Variants in SLC30A6 observed in about 807,000 individuals in gnomAD.
SLC30A6 encodes the protein solute carrier family 30 member 6.
A neutral mutation model predicts 63.0 loss-of-function variants in SLC30A6; 55 were observed. The ratio of observed to expected loss-of-function variants is 0.87; its 90% CI spans 0.70 to 1.09. The LOEUF (loss-of-function observed/expected upper bound fraction) is 1.09. SLC30A6 is among the 50% of genes least tolerant of loss of function. The pLI is 0.00. For missense variants in SLC30A6, 587 were observed against 549.2 expected, an observed-to-expected ratio of 1.07 and a Z score of -0.69; for synonymous variants, 224 against 186.1, an observed-to-expected ratio of 1.20 and a Z score of -1.66.
rs538813525 is a variant in SLC30A6 at position 32,224,213 on chromosome 2, A to G, written c.*3500A>G. Reference sequence around the variant, plus strand: ...GAATCTCTTACATGCCAGGCACTATACTAAGTTAATATGCATTCAGTATAC... The same window carrying G: ...GAATCTCTTACATGCCAGGCACTATGCTAAGTTAATATGCATTCAGTATAC... On this transcript the variant is annotated 3_prime_UTR_variant, in exon 14 of 14. Coordinates refer to ENST00000282587, the MANE Select transcript of SLC30A6 (RefSeq NM_017964.5). The G allele has an allele frequency of 8.8e-5, 30 of 342,708 alleles. 2 individuals carry two copies. The South Asian group carries it at 2.0e-3, about 22-fold the overall frequency. 21.2% of individuals were successfully genotyped at this position (342,708 alleles called of 1,614,324 possible). A position where few individuals can be genotyped will look rare whatever the true frequency, so the allele number is the denominator to read the frequency against.
intron 4 of SLC30A6, among the ~76,000 whole-genome samples, chr2:32,178,774 C>A (rs1682023621): frequency 6.6e-6 from 1 of 152,184 alleles, no homozygotes; most frequent in African/African-American, 2.4e-5. Context: ...TATGTCTGTC[C>A]TTTATGCCAG....
chr2:32,168,136 T>C lies in SLC30A6; in HGVS notation c.3+2233T>C, dbSNP rs191884638. 2.2e-3 allele frequency among the ~76,000 whole-genome samples: 342 copies of C among 152,272 alleles called. 1 individual carries two copies. Among genetic ancestry groups the C allele is most frequent in the African/African-American group, 7.7e-3 (319 of 41,538 alleles). On this transcript the variant is annotated intron_variant, in intron 1 of 13. Transcript: ENST00000282587. The stretch of plus-strand genomic sequence containing the variant: ...GGGAAACAGTATTTAAGGTTTATTT[T>C]AAAGGATATTGAGAAAAGGTTTTGC...
intron 13 of SLC30A6, among the ~76,000 whole-genome samples, chr2:32,213,063 G>A (rs565380427): frequency 9.2e-5 from 14 of 151,882 alleles, no homozygotes; most frequent in African/African-American, 3.4e-4. Flanking sequence ...ACGCCACCAT[G>A]CCCAGCTGAT....
chr2:32,196,889 C>T (rs1315395498), intron 8 of SLC30A6, among the ~76,000 whole-genome samples: 3 of 151,980 alleles, frequency 2.0e-5, no homozygotes, highest in Non-Finnish European at 4.4e-5. Flanking sequence ...GGTGAAACCC[C>T]GTCTCTACTA....
intron 5 of SLC30A6, among the ~76,000 whole-genome samples, chr2:32,191,955 C>T (rs1226067122): frequency 6.6e-6 from 1 of 151,486 alleles, no homozygotes; most frequent in Admixed American, 6.6e-5. Flanking sequence ...GTGTCTAACG[C>T]ACAGTGGGTC....
intron 13 of SLC30A6, among the ~76,000 whole-genome samples, chr2:32,212,583 C>CTTTTTTTTTTT (rs1193348947): frequency 3.6e-5 from 3 of 83,024 alleles, no homozygotes; most frequent in Non-Finnish European, 4.8e-5. Flanking sequence ...CCATTTTTAC[C>CTTTTTTTTTTT]TTTTTTTTTT....
intron 7 of SLC30A6, 86 bp downstream of exon 7, chr2:32,193,039 T>A: frequency 1.2e-6 from 1 of 856,092 alleles, no homozygotes; most frequent in Non-Finnish European, 1.8e-6. Flanking sequence ...AATGTCAGAT[T>A]TCAGACTGTG....
At chr2:32,220,013 A>AT (rs1270453597) in intron 13 of SLC30A6, among the ~76,000 whole-genome samples, 200 bp from the exon 14 acceptor site, 2 of 151,836 alleles carry the variant, frequency 1.3e-5, no homozygotes, top group Non-Finnish European at 2.9e-5. Context: ...CTTTTTTTGT[A>AT]TTTTAAAGAT....
At chr2:32,185,056 A>G (rs1682687837) in intron 5 of SLC30A6, among the ~76,000 whole-genome samples, 1 of 152,182 alleles carries the variant, frequency 6.6e-6, no homozygotes, top group African/African-American at 2.4e-5. Context: ...AGATCAACAA[A>G]TAATTTGAGA....
At chr2:32,177,907 G>C (rs1301617403) in intron 4 of SLC30A6, among the ~76,000 whole-genome samples, 1 of 151,606 alleles carries the variant, frequency 6.6e-6, no homozygotes, top group Non-Finnish European at 1.5e-5. Context: ...AAGATTATGG[G>C]CGTGAGCCAC....
chr2:32,182,291 T>C (rs1682398694), intron 4 of SLC30A6, among the ~76,000 whole-genome samples: 1 of 152,198 alleles, frequency 6.6e-6, no homozygotes, highest in Non-Finnish European at 1.5e-5. Context: ...TCCGATGCAA[T>C]TTCAAAAATC....
In SLC30A6 at chr2:32,209,546, A is replaced by C. The variant is rs1685072756; in HGVS notation, c.870A>C (p.Leu290=). The C allele has an allele frequency of 6.2e-7, 1 of 1,612,558 alleles. No homozygotes were observed. The highest frequency in any genetic ancestry group is 8.5e-7 in the Non-Finnish European group (1 of 1,179,538). The change falls in exon 13 of 14, where the codon CTA becomes CTC. Residue 290 remains leucine, a synonymous_variant. Transcript: ENST00000282587. ...TCCGAAATGAACATTTTTGGACCCT[A>C]GGTTTTGGCTCATTGGTATGTTCTT... The part of the protein sequence containing the change: ...LEVRNEHFWT[L]GFGSLAGSVH...
chr2:32,192,037 C>CTT (rs34973387), intron 5 of SLC30A6, among the ~76,000 whole-genome samples: 2 of 135,248 alleles, frequency 1.5e-5, no homozygotes, highest in Admixed American at 7.5e-5. Flanking sequence ...TGGTAATTGT[C>CTT]TTTTTTTTTT....
chr2:32,192,085 C>G (rs1407381631), intron 5 of SLC30A6, among the ~76,000 whole-genome samples: 1 of 150,732 alleles, frequency 6.6e-6, no homozygotes, highest in Non-Finnish European at 1.5e-5. Flanking sequence ...AAGAGAAAGC[C>G]TCTGACATGG....
chr2:32,202,272 A>C (rs1213164859), intron 10 of SLC30A6: 1 of 582,202 alleles, frequency 1.7e-6, no homozygotes, highest in African/African-American at 1.9e-5. Context: ...CAGGAAAGAA[A>C]GACATTCTAT....
chr2:32,179,701 G>A (rs1682114724), intron 4 of SLC30A6, among the ~76,000 whole-genome samples: 1 of 152,142 alleles, frequency 6.6e-6, no homozygotes, highest in Non-Finnish European at 1.5e-5. Context: ...AGTGTATATA[G>A]TATGCTGCAA....
At chr2:32,172,227 G>T (rs1239338291) in intron 2 of SLC30A6, among the ~76,000 whole-genome samples, 1 of 152,112 alleles carries the variant, frequency 6.6e-6, no homozygotes, top group Non-Finnish European at 1.5e-5. Flanking sequence ...TGACTTTTAA[G>T]TAAAGCCAGC....
chr2:32,195,358 G>A (rs1558401559), intron 8 of SLC30A6, among the ~76,000 whole-genome samples: 3 of 151,672 alleles, frequency 2.0e-5, no homozygotes, highest in Non-Finnish European at 4.4e-5. Flanking sequence ...GAGCCACTGC[G>A]TCCGGCCATG....
At chr2:32,203,300 A>C (rs1684458713) in intron 10 of SLC30A6, 1 of 918,202 alleles carries the variant, frequency 1.1e-6, no homozygotes, top group East Asian at 2.4e-5. Context: ...AGGTCAACTA[A>C]GATATGTGGA....
Sources: allele counts gnomAD v4.1 joint callset (sites outside exome capture counted in the v4.1 genomes callset), GRCh38; gene constraint gnomAD v4.1.1; transcripts MANE v1.5; gene names NCBI Gene and HGNC (gene_info 2026-07-23, HGNC 2026-07-21).